LSAMP: variants seen among roughly 807,000 people sequenced by gnomAD.
The protein encoded by LSAMP is limbic system associated membrane protein.
In LSAMP, 7 loss-of-function variants were observed where a neutral mutation model predicts 38.6. The observed-to-expected ratio is 0.18, with a 90% CI of 0.10 to 0.34. The LOEUF (loss-of-function observed/expected upper bound fraction) is 0.34, where lower values mean the gene tolerates loss of function less well. Among genes scored for constraint, LSAMP ranks in the 10% least tolerant of loss-of-function variants. The pLI is 1.00. For missense variants in LSAMP, 313 were observed against 420.0 expected, an observed-to-expected ratio of 0.75 and a Z score of 2.23; for synonymous variants, 154 against 166.8, an observed-to-expected ratio of 0.92 and a Z score of 0.59.
At chr3:116,255,231 C>T (rs986755329) in intron 1 of LSAMP, among the ~76,000 whole-genome samples, 2 of 152,102 alleles carry the variant, frequency 1.3e-5, no homozygotes, top group African/African-American at 4.8e-5. Flanking sequence ...AACTCAACAA[C>T]TGAGTGCACT....
intron 1 of LSAMP, among the ~76,000 whole-genome samples, chr3:116,371,498 A>G (rs1446813095): frequency 6.6e-6 from 1 of 152,110 alleles, no homozygotes; most frequent in Admixed American, 6.6e-5. Context: ...TTTTACAACA[A>G]AAACAATCAA....
intron 3 of LSAMP, among the ~76,000 whole-genome samples, chr3:115,952,611 T>C (rs9855990): frequency 0.95 from 144,706 of 152,214 alleles, 69,180 homozygotes; most frequent in East Asian, 1. Context: ...ACATATTGGG[T>C]ACAGTGTACA....
chr3:116,244,346 TTGACCTAATCCTTCATCA>T (rs1024138738), intron 1 of LSAMP, among the ~76,000 whole-genome samples: 4 of 152,216 alleles, frequency 2.6e-5, no homozygotes, highest in African/African-American at 9.6e-5. Flanking sequence ...TTTATGTCCT[TTGACCTAATCCTTCATCA>T]TGTCCTGAAT....
intron 3 of LSAMP, among the ~76,000 whole-genome samples, chr3:115,954,657 A>T (rs1938397284): frequency 6.6e-6 from 1 of 152,228 alleles, no homozygotes; most frequent in Non-Finnish European, 1.5e-5. Context: ...ATGTGTTTTT[A>T]ACCAAATGTG....
chr3:116,199,838 T>C (rs1277058376), intron 1 of LSAMP, among the ~76,000 whole-genome samples: 1 of 152,116 alleles, frequency 6.6e-6, no homozygotes, highest in East Asian at 1.9e-4. Context: ...AAGGTGGTTG[T>C]GGCAACCATT....
At chr3:116,427,920 A>T (rs2049225346) in intron 1 of LSAMP, among the ~76,000 whole-genome samples, 1 of 152,208 alleles carries the variant, frequency 6.6e-6, no homozygotes, top group African/African-American at 2.4e-5. Context: ...TCAGGTCCTC[A>T]GAGTCACTTG....
intron 1 of LSAMP, among the ~76,000 whole-genome samples, chr3:116,095,851 A>T (rs1456261062): frequency 6.6e-6 from 1 of 152,136 alleles, no homozygotes; most frequent in Non-Finnish European, 1.5e-5. Context: ...TAAGTGGTGA[A>T]GTGGAAAAGT....
chr3:116,319,644 T>C (rs1835674), intron 1 of LSAMP, among the ~76,000 whole-genome samples: 124,885 of 152,052 alleles, frequency 0.82, 51,514 homozygotes, highest in East Asian at 0.95. Flanking sequence ...TGTTAAATTC[T>C]GCATATCCCT....
At chr3:116,057,982 G>A (rs930130509) in intron 2 of LSAMP, among the ~76,000 whole-genome samples, 2 of 113,540 alleles carry the variant, frequency 1.8e-5, no homozygotes, top group Non-Finnish European at 4.1e-5. Context: ...CACACACACA[G>A]AGTGAATGGT....
intron 1 of LSAMP, among the ~76,000 whole-genome samples, chr3:116,115,677 CAAAACAAAA>C (rs1278327858): frequency 6.6e-6 from 1 of 150,908 alleles, no homozygotes; most frequent in African/African-American, 2.4e-5. Context: ...AAACAAAAAA[CAAAACAAAA>C]AAAACTTTGT....
At chr3:116,314,789 A>C (rs1386512427) in intron 1 of LSAMP, among the ~76,000 whole-genome samples, 1 of 152,294 alleles carries the variant, frequency 6.6e-6, no homozygotes, top group East Asian at 1.9e-4. Flanking sequence ...GAACTCATCC[A>C]AAAAGACCAT....
chr3:115,876,668 G>A (rs948971656), intron 3 of LSAMP, among the ~76,000 whole-genome samples: 10 of 151,872 alleles, frequency 6.6e-5, no homozygotes, highest in South Asian at 4.2e-4. Flanking sequence ...CTCATCCAGC[G>A]CTTTCTAGTT....
chr3:116,105,486 G>A (rs548702273), intron 1 of LSAMP, among the ~76,000 whole-genome samples: 28 of 151,990 alleles, frequency 1.8e-4, no homozygotes, highest in African/African-American at 3.9e-4. Context: ...GGGTGGGGCC[G>A]TTTTATAGGA....
At chr3:116,148,796 T>C (rs1709544739) in intron 1 of LSAMP, among the ~76,000 whole-genome samples, 1 of 152,044 alleles carries the variant, frequency 6.6e-6, no homozygotes, top group African/African-American at 2.4e-5. Flanking sequence ...AATAAATCAG[T>C]AACAATATTG....
chr3:115,850,490 A>G (rs1935294936), intron 4 of LSAMP, among the ~76,000 whole-genome samples: 1 of 152,244 alleles, frequency 6.6e-6, no homozygotes, highest in Non-Finnish European at 1.5e-5. Context: ...AAACTTACAC[A>G]AACAGCCAGA....
chr3:115,921,137 T>G (rs1441550816), intron 3 of LSAMP, among the ~76,000 whole-genome samples: 2 of 152,116 alleles, frequency 1.3e-5, no homozygotes, highest in African/African-American at 4.8e-5. Flanking sequence ...TTAGATCTCA[T>G]TTTTCTATCC....
At chr3:116,204,339 C>T (rs2046033437) in intron 1 of LSAMP, among the ~76,000 whole-genome samples, 1 of 152,020 alleles carries the variant, frequency 6.6e-6, no homozygotes, top group Non-Finnish European at 1.5e-5. Context: ...AACTTTCTCC[C>T]ATTTTGTAGG....
chr3:116,017,668 A>G (rs981466342), intron 3 of LSAMP, among the ~76,000 whole-genome samples: 9 of 152,192 alleles, frequency 5.9e-5, no homozygotes, highest in African/African-American at 2.2e-4. Flanking sequence ...TAAAGGACAT[A>G]CAATCACTTA....
At chr3:116,140,948 G>A (rs1384118117) in intron 1 of LSAMP, among the ~76,000 whole-genome samples, 3 of 151,934 alleles carry the variant, frequency 2.0e-5, no homozygotes, top group East Asian at 1.9e-4. Flanking sequence ...TGTAGGCTAC[G>A]GTTTGACTAA....
Sources: gnomAD v4.1 joint callset for allele counts (sites outside exome capture counted in the v4.1 genomes callset) on GRCh38, gnomAD v4.1.1 for gene constraint, MANE v1.5 for transcripts, NCBI Gene and HGNC (gene_info 2026-07-23, HGNC 2026-07-21) for gene names.